CTSB: variants seen among roughly 807,000 people sequenced by gnomAD.
CTSB encodes the protein cathepsin B.
A neutral mutation model predicts 44.3 loss-of-function variants in CTSB; 57 were observed. The observed-to-expected ratio is 1.29, with a 90% CI of 1.04 to 1.60. The LOEUF is 1.60. CTSB is among the 40% of genes most tolerant of loss of function. The pLI is 0.00. For missense variants in CTSB, 768 were observed against 443.0 expected, an observed-to-expected ratio of 1.73 and a Z score of -6.59; for synonymous variants, 320 against 168.0, an observed-to-expected ratio of 1.91 and a Z score of -7.00.
rs990253694 is a variant in CTSB, at chr8:11,845,972, G to C, written c.794-183C>G. On this transcript the variant is annotated intron_variant, in intron 8 of 9. Transcript: ENST00000353047. The stretch of plus-strand genomic sequence containing the variant: ...TGGGGAATTAAATATATTTTTGAAG[G>C]CCCAACACACTCAAAGTTGTTGAGT... Among the ~76,000 whole-genome samples the C allele has an allele frequency of 3.9e-5, 6 of 152,210 alleles. No homozygotes were observed. In the East Asian group the frequency reaches 1.2e-3, roughly 29 times the overall value.
In CTSB at chr8:11,845,059, TAAAGAATA is replaced by T. The variant is rs1440410836; in HGVS notation, c.*58_*65del. On this transcript the variant is annotated 3_prime_UTR_variant, in exon 10 of 10. Transcript: ENST00000353047. ...CTGAAACTTGTATCTTACGTGAACT[TAAAGAATA>T]AAATGCATTTCTACCCCGATCTCGC... is the stretch of plus-strand genomic sequence containing the variant. 1.8e-6 allele frequency: 2 copies of T among 1,095,090 alleles called. No individual in the cohort carries two copies. Among genetic ancestry groups the T allele is most frequent in the Non-Finnish European group, 2.8e-6 (2 of 714,316 alleles). 67.8% of individuals were successfully genotyped at this position (1,095,090 alleles called of 1,614,324 possible).
At chr8:11,849,928 T>C (rs1032634246) in intron 4 of CTSB, 16 of 152,354 alleles carry the variant, frequency 1.1e-4, no homozygotes, top group African/African-American at 3.1e-4. Flanking sequence ...AAATAAATAC[T>C]GTTGTGATCC....
In CTSB at chr8:11,846,729, G is replaced by A. The variant is rs191156018; in HGVS notation, c.793+323C>T. Reference sequence around the variant, plus strand: ...ATGCAAAGCCAGGAAGGCGAGGGCAGGCGTGGCCAGCCACCAGGGAGGGGG... The same window carrying A: ...ATGCAAAGCCAGGAAGGCGAGGGCAAGCGTGGCCAGCCACCAGGGAGGGGG... On this transcript the variant is annotated intron_variant, in intron 8 of 9. Coordinates refer to ENST00000353047, the MANE Select transcript of CTSB (RefSeq NM_001908.5). 3.7e-3 allele frequency among the ~76,000 whole-genome samples: 570 copies of A among 152,352 alleles called. 1 individual carries two copies. The highest frequency in any genetic ancestry group is 0.024 in the Middle Eastern group (7 of 294).
In CTSB at chr8:11,847,972, T is replaced by C. The variant is rs1005920246; in HGVS notation, c.532+95A>G. The C allele has an allele frequency of 1.1e-5, 15 of 1,351,090 alleles. No individual in the cohort carries two copies. The African/African-American group carries it at 1.2e-4, about 10-fold the overall frequency. The allele number at this position is 1,351,090 out of a possible 1,614,324, so 83.7% of individuals were successfully genotyped here. The stretch of plus-strand genomic sequence containing the variant: ...CTAGCACCTCTCAGCAGCCCCTCTG[T>C]CTCAACCCCCAGTTTATAAAGGCAA... On this transcript the variant is annotated intron_variant, in intron 6 of 9. Transcript: ENST00000353047.
chr8:11,861,097 C>G (rs1451534153), intron 1 of CTSB, among the ~76,000 whole-genome samples: 1 of 152,212 alleles, frequency 6.6e-6, no homozygotes, highest in Admixed American at 6.5e-5. Flanking sequence ...TTAGTAGATT[C>G]TTGGCTTATG....
intron 5 of CTSB, chr8:11,848,467 C>T (rs1303233394): frequency 2.4e-5 from 11 of 455,980 alleles, no homozygotes; most frequent in South Asian, 1.4e-4. Context: ...ACTGAGCAGA[C>T]GCTAAACTTC....
At chr8:11,848,579 C>G in intron 5 of CTSB, 2 of 336,452 alleles carry the variant, frequency 5.9e-6, no homozygotes, top group South Asian at 2.6e-5. Context: ...TTTAAGCCCT[C>G]AGGCATTTCG....
chr8:11,865,451 T>C (rs1244024283), intron 1 of CTSB: 2 of 151,882 alleles, frequency 1.3e-5, no homozygotes, highest in African/African-American at 2.4e-5. Flanking sequence ...TAGCTGAGTG[T>C]GGAGGCACAT....
At chr8:11,867,541 G>A (rs993732366) in intron 1 of CTSB, 13 of 152,266 alleles carry the variant, frequency 8.5e-5, no homozygotes, top group African/African-American at 2.9e-4. Flanking sequence ...GCAATGAGGG[G>A]GAAATAAACC....
chr8:11,848,931 G>A (rs1034689556), intron 5 of CTSB, 115 bp downstream of exon 5: 33 of 725,054 alleles, frequency 4.6e-5, no homozygotes, highest in Admixed American at 6.9e-5. Flanking sequence ...GAGTCTCCCC[G>A]AAACACTTCT....
intron 4 of CTSB, among the ~76,000 whole-genome samples, chr8:11,850,323 G>A (rs1814317682): frequency 6.7e-6 from 1 of 148,998 alleles, no homozygotes; most frequent in African/African-American, 2.5e-5. Context: ...GGAGACTGAG[G>A]CAGGAGAATT....
At position 11,845,647 on chromosome 8, in the gene CTSB, G is replaced by A; in HGVS notation, c.922+14C>T. 1 of 1,611,086 alleles carries A rather than the reference G, an allele frequency of 6.2e-7. No homozygotes were observed. Among genetic ancestry groups the A allele is most frequent in the Non-Finnish European group, 8.5e-7 (1 of 1,177,824 alleles). Reference sequence around the variant, plus strand: ...CAATTCACTGTTCTTGGCAGGAAGGGGGCAGCCACTCACCATTGTCACCCC... The same window carrying A: ...CAATTCACTGTTCTTGGCAGGAAGGAGGCAGCCACTCACCATTGTCACCCC... On this transcript the variant is annotated intron_variant, in intron 9 of 9. Transcript: ENST00000353047.
chr8:11,853,702 G>C, intron 1 of CTSB: 1 of 486,772 alleles, frequency 2.1e-6, no homozygotes, highest in South Asian at 3.0e-5. Flanking sequence ...AGAGCCCAGA[G>C]AGAGAGCCAA....
rs1182397283 is a variant in CTSB at position 11,844,961 on chromosome 8, G to T, written c.*164C>A. The T allele has an allele frequency of 3.3e-6, 2 of 614,824 alleles. No individual in the cohort carries two copies. The highest frequency in any genetic ancestry group is 2.8e-5 in the East Asian group (1 of 36,272). 38.1% of individuals were successfully genotyped at this position (614,824 alleles called of 1,614,324 possible). On this transcript the variant is annotated 3_prime_UTR_variant, in exon 10 of 10. Coordinates refer to ENST00000353047, the MANE Select transcript of CTSB (RefSeq NM_001908.5). ...CCTGTCTGCACTGTAACCACAGGCT[G>T]GGATGTAGCCAGGACTTGGTCTCCT...
rs986046225 is a variant in CTSB at position 11,842,808 on chromosome 8, G to A, written c.*2317C>T. On this transcript the variant is annotated 3_prime_UTR_variant, in exon 10 of 10. Coordinates refer to ENST00000353047, the MANE Select transcript of CTSB (RefSeq NM_001908.5). Reference sequence around the variant, plus strand: ...TGTGCCAGCATGCTTGGCTAATTTTGTATTTTTAGTAGAGATGGGGTTTCA... The same window carrying A: ...TGTGCCAGCATGCTTGGCTAATTTTATATTTTTAGTAGAGATGGGGTTTCA... The A allele has an allele frequency of 6.8e-6, 1 of 147,136 alleles. No individual in the cohort carries two copies. The highest frequency in any genetic ancestry group is 2.2e-4 in the South Asian group (1 of 4,650). 9.1% of individuals were successfully genotyped at this position (147,136 alleles called of 1,614,324 possible).
chr8:11,853,551 G>C, intron 1 of CTSB, 72 bp from the exon 2 acceptor site: 1 of 1,442,458 alleles, frequency 6.9e-7, no homozygotes, highest in Non-Finnish European at 9.3e-7. Context: ...CAGGGGCACC[G>C]TCTCGGGCAT....
At position 11,849,191 on chromosome 8, in the gene CTSB, G is replaced by C. The variant is rs200438740; in HGVS notation, c.328-27C>G. 58 of 1,594,738 alleles carry C rather than the reference G, an allele frequency of 3.6e-5. 1 individual carries two copies. In the East Asian group the frequency reaches 1.2e-3, roughly 32 times the overall value. On this transcript the variant is annotated intron_variant, in intron 4 of 9. Coordinates refer to ENST00000353047, the MANE Select transcript of CTSB (RefSeq NM_001908.5). ...TGCAGGAACGAGCCCCACCGGGTGA[G>C]GCTGCCATGTCCGGGCTGGGCCCTC...
intron 3 of CTSB, 120 bp from the exon 4 acceptor site, chr8:11,851,100 G>A (rs11985225): frequency 0.014 from 6,899 of 490,210 alleles, 95 homozygotes; most frequent in African/African-American, 0.048. Flanking sequence ...AAGACATGCC[G>A]AAGAAGGCTG....
At chr8:11,863,776 C>A (rs1816741216) in intron 1 of CTSB, among the ~76,000 whole-genome samples, 1 of 152,146 alleles carries the variant, frequency 6.6e-6, no homozygotes, top group African/African-American at 2.4e-5. Context: ...AAGTCTGGTA[C>A]TATCTAGTGT....
Sources: gnomAD v4.1 joint callset for allele counts (sites outside exome capture counted in the v4.1 genomes callset) on GRCh38, gnomAD v4.1.1 for gene constraint, MANE v1.5 for transcripts, NCBI Gene and HGNC (gene_info 2026-07-23, HGNC 2026-07-21) for gene names.